The following YAP1 variants were observed in gnomAD, a reference collection of about 807,000 sequenced individuals.
YAP1 encodes the protein transcriptional coactivator YAP1.
A neutral mutation model predicts 56.9 loss-of-function variants in YAP1; 5 were observed. The ratio of observed to expected loss-of-function variants is 0.09; its 90% CI spans 0.05 to 0.18. The LOEUF (loss-of-function observed/expected upper bound fraction) is 0.18, where lower values mean the gene tolerates loss of function less well. Ranked by LOEUF, YAP1 falls within the 10% of genes least tolerant of loss-of-function variation. YAP1 has a pLI of 1.00. For synonymous variants in YAP1, 265 were observed against 248.1 expected (o/e 1.07, Z -0.64); for missense variants, 539 against 651.8 (o/e 0.83, Z 1.88).
chr11:102,221,360 T>A (rs1949920077), intron 6 of YAP1, among the ~76,000 whole-genome samples: 1 of 152,142 alleles, frequency 6.6e-6, no homozygotes, highest in Non-Finnish European at 1.5e-5. Flanking sequence ...AAAAGGAATT[T>A]CATTGATACA....
chr11:102,136,525 G>GT (rs1039857155), intron 2 of YAP1, among the ~76,000 whole-genome samples: 2 of 151,630 alleles, frequency 1.3e-5, no homozygotes, highest in African/African-American at 4.8e-5. Context: ...GTTTTTGTTT[G>GT]TTTTTTTGGT....
At chr11:102,116,598 A>T (rs2135128860) in intron 2 of YAP1, among the ~76,000 whole-genome samples, 1 of 152,362 alleles carries the variant, frequency 6.6e-6, no homozygotes, top group Non-Finnish European at 1.5e-5. Flanking sequence ...AAACCAGGCT[A>T]AAATAAATAA....
intron 2 of YAP1, among the ~76,000 whole-genome samples, chr11:102,137,684 T>C (rs952523132): frequency 6.6e-6 from 1 of 152,178 alleles, no homozygotes; most frequent in South Asian, 2.1e-4. Flanking sequence ...TTGAAACTAT[T>C]AGCACACACA....
At chr11:102,167,968 C>A (rs565878693) in intron 3 of YAP1, among the ~76,000 whole-genome samples, 1 of 152,060 alleles carries the variant, frequency 6.6e-6, no homozygotes, top group South Asian at 2.1e-4. Flanking sequence ...AGCTTGAGCC[C>A]ACGAGGTCAA....
In YAP1 at chr11:102,160,805, T is replaced by C. The variant is rs1422577923; in HGVS notation, c.573-1651T>C. Among the ~76,000 whole-genome samples the C allele has an allele frequency of 2.6e-5, 4 of 152,222 alleles. No individual in the cohort carries two copies. The East Asian group carries it at 7.7e-4, about 29-fold the overall frequency. Reference sequence around the variant, plus strand: ...TACAGTGGAAGCAATGCTTGTATCCTATTCCTTCCTGCTCTCTGAAGGATG... The same window carrying C: ...TACAGTGGAAGCAATGCTTGTATCCCATTCCTTCCTGCTCTCTGAAGGATG... On this transcript the variant is annotated intron_variant, in intron 2 of 8. Transcript: ENST00000282441.
At chr11:102,151,050 G>A (rs1198386620) in intron 2 of YAP1, among the ~76,000 whole-genome samples, 3 of 151,868 alleles carry the variant, frequency 2.0e-5, no homozygotes, top group Admixed American at 6.6e-5. Context: ...TGCTGGTCTC[G>A]AATGCCTGAC....
At chr11:102,214,535 T>C (rs570728571) in intron 6 of YAP1, among the ~76,000 whole-genome samples, 53 of 152,354 alleles carry the variant, frequency 3.5e-4, no homozygotes, top group African/African-American at 1.2e-3. Context: ...TTGGCTTTTT[T>C]CCCTTCAAAC....
intron 6 of YAP1, among the ~76,000 whole-genome samples, chr11:102,221,622 C>T (rs188280910): frequency 7.2e-5 from 11 of 151,864 alleles, no homozygotes; most frequent in Admixed American, 6.6e-4. Context: ...ACTCATGAGG[C>T]TGAGGCAGGA....
chr11:102,189,947 A>G (rs1402423030), intron 4 of YAP1, among the ~76,000 whole-genome samples: 1 of 152,196 alleles, frequency 6.6e-6, no homozygotes, highest in African/African-American at 2.4e-5. Context: ...TTCTGTTGTT[A>G]AAAATAATAT....
intron 6 of YAP1, among the ~76,000 whole-genome samples, chr11:102,221,296 G>A (rs1271210250): frequency 6.6e-6 from 1 of 152,144 alleles, no homozygotes; most frequent in Non-Finnish European, 1.5e-5. Flanking sequence ...AAGTCCCTAG[G>A]TTCCCTCTCA....
intron 6 of YAP1, 24 bp downstream of exon 6, chr11:102,209,588 G>C (rs1281989072): frequency 6.6e-7 from 1 of 1,507,832 alleles, no homozygotes; most frequent in Non-Finnish European, 8.8e-7. Flanking sequence ...TGATGTTTTA[G>C]CACTGGAAAA....
intron 2 of YAP1, among the ~76,000 whole-genome samples, chr11:102,152,147 C>T (rs895268404): frequency 6.6e-6 from 1 of 152,196 alleles, no homozygotes; most frequent in Non-Finnish European, 1.5e-5. Context: ...TGTGAAGGAA[C>T]TTTTGGCCTA....
intron 2 of YAP1, among the ~76,000 whole-genome samples, chr11:102,129,516 G>T (rs1454062594): frequency 6.6e-6 from 1 of 151,200 alleles, no homozygotes; most frequent in Non-Finnish European, 1.5e-5. Flanking sequence ...TGCTCGGGAG[G>T]CTGAGGCACG....
chr11:102,131,237 A>G (rs1046577522), intron 2 of YAP1, among the ~76,000 whole-genome samples: 2 of 152,182 alleles, frequency 1.3e-5, no homozygotes, highest in East Asian at 1.9e-4. Context: ...TTAGTAGGCC[A>G]TTGTCGATGT....
chr11:102,128,804 TC>T (rs1944195571), intron 2 of YAP1, among the ~76,000 whole-genome samples: 1 of 152,206 alleles, frequency 6.6e-6, no homozygotes, highest in African/African-American at 2.4e-5. Flanking sequence ...AGGGAGGTAG[TC>T]CTATCTGTTC....
chr11:102,191,969 T>C (rs1948312497), intron 4 of YAP1, among the ~76,000 whole-genome samples: 1 of 152,202 alleles, frequency 6.6e-6, no homozygotes, highest in Non-Finnish European at 1.5e-5. Flanking sequence ...CCATAGGGCC[T>C]GGCCAAGTTT....
chr11:102,135,051 T>C (rs1425404215), intron 2 of YAP1, among the ~76,000 whole-genome samples: 2 of 152,176 alleles, frequency 1.3e-5, no homozygotes, highest in African/African-American at 2.4e-5. Context: ...GTATTTTTAG[T>C]AGATTCGGGA....
chr11:102,214,457 T>C (rs1170322309), intron 6 of YAP1, among the ~76,000 whole-genome samples: 2 of 152,192 alleles, frequency 1.3e-5, no homozygotes, highest in Non-Finnish European at 1.5e-5. Context: ...ATAATACCAT[T>C]GTTCAGAGCT....
chr11:102,185,270 A>G (rs1189356623), intron 3 of YAP1, among the ~76,000 whole-genome samples: 1 of 152,214 alleles, frequency 6.6e-6, no homozygotes, highest in Non-Finnish European at 1.5e-5. Flanking sequence ...TGACTTCTCT[A>G]TTCCTATAAA....
Sources: allele counts gnomAD v4.1 joint callset (sites outside exome capture counted in the v4.1 genomes callset), GRCh38; gene constraint gnomAD v4.1.1; transcripts MANE v1.5; gene names NCBI Gene and HGNC (gene_info 2026-07-23, HGNC 2026-07-21).